BPNT2: variants seen among roughly 807,000 people sequenced by gnomAD.
BPNT2 encodes 3'(2'), 5'-bisphosphate nucleotidase 2.
BPNT2 carries 11 observed loss-of-function variants against 29.3 expected under a neutral mutation model. The observed-to-expected ratio is 0.38, with a 90% CI of 0.24 to 0.62. The LOEUF (loss-of-function observed/expected upper bound fraction) is 0.62. Among genes scored for constraint, BPNT2 ranks in the 20% least tolerant of loss-of-function variants. The pLI is 0.62. For synonymous variants in BPNT2, 195 were observed against 187.7 expected, an observed-to-expected ratio of 1.04 and a Z score of -0.32; for missense variants, 459 against 473.4, an observed-to-expected ratio of 0.97 and a Z score of 0.28.
At chr8:56,969,111 C>A (rs997858178) in intron 3 of BPNT2, among the ~76,000 whole-genome samples, 3 of 152,192 alleles carry the variant, frequency 2.0e-5, no homozygotes, top group African/African-American at 7.2e-5. Flanking sequence ...TCCAAGCCTG[C>A]AGAGAAAGTA....
chr8:56,985,806 C>T (rs1230901788), intron 1 of BPNT2, among the ~76,000 whole-genome samples: 3 of 152,124 alleles, frequency 2.0e-5, no homozygotes, highest in Non-Finnish European at 4.4e-5. Flanking sequence ...GCTATACTTC[C>T]CATGTGCCTT....
Position 56,966,327 on chromosome 8 carries a change from T to G in BPNT2, c.672A>C (p.Ser224=), listed in dbSNP as rs1805951035. Reference sequence around the variant, plus strand: ...TGTAGGAAGAGCGGGCTTTCACATTTGAACCACCATCTACCATTGCCCAAG... The same window carrying G: ...TGTAGGAAGAGCGGGCTTTCACATTGGAACCACCATCTACCATTGCCCAAG... ...YTAWAMVDGG[S]NVKARSSYNE... The change falls in exon 4 of 5, where the codon TCA becomes TCC. Residue 224 remains serine, a synonymous_variant. Transcript: ENST00000262644. The G allele has an allele frequency of 6.2e-7, 1 of 1,613,888 alleles. No homozygotes were observed. Among genetic ancestry groups the G allele is most frequent in the South Asian group, 1.1e-5 (1 of 91,086 alleles).
intron 4 of BPNT2, among the ~76,000 whole-genome samples, chr8:56,965,559 T>C (rs1805930627): frequency 6.6e-6 from 1 of 152,188 alleles, no homozygotes; most frequent in African/African-American, 2.4e-5. Context: ...AAAAAATATG[T>C]TCAAAAGTTC....
intron 4 of BPNT2, 141 bp downstream of exon 4, chr8:56,966,050 A>G: frequency 1.1e-6 from 1 of 887,962 alleles, no homozygotes; most frequent in Admixed American, 2.0e-5. Flanking sequence ...GAGGTTACCA[A>G]ACAGGAGACC....
rs769885388 is a variant in BPNT2 at position 56,978,157 on chromosome 8, A to G, written c.551-12T>C. ...CTTTCGAAGATCCTCTATGAGAAAAAAAACAAAACAACACACACAAATGTC... is the reference window on the plus strand; with the variant it reads ...CTTTCGAAGATCCTCTATGAGAAAAGAAACAAAACAACACACACAAATGTC... On this transcript the variant is annotated splice_polypyrimidine_tract_variant and intron_variant, in intron 2 of 4. Coordinates refer to ENST00000262644, the MANE Select transcript of BPNT2 (RefSeq NM_017813.5). 4 of 1,485,082 alleles carry G rather than the reference A, an allele frequency of 2.7e-6. No individual in the cohort carries two copies. The African/African-American group carries it at 5.5e-5, about 21-fold the overall frequency. 92.0% of individuals were successfully genotyped at this position (1,485,082 alleles called of 1,614,324 possible). A position where few individuals can be genotyped will look rare whatever the true frequency, so the allele number is the denominator to read the frequency against.
intron 1 of BPNT2, among the ~76,000 whole-genome samples, chr8:56,991,016 T>A (rs1312213143): frequency 2.0e-5 from 3 of 152,200 alleles, no homozygotes; most frequent in Non-Finnish European, 4.4e-5. Context: ...AAATTTGGGG[T>A]GAGGCTTCAA....
intron 3 of BPNT2, among the ~76,000 whole-genome samples, chr8:56,976,565 A>G (rs1806143289): frequency 6.6e-6 from 1 of 152,208 alleles, no homozygotes; most frequent in Non-Finnish European, 1.5e-5. Flanking sequence ...AATTATGAAA[A>G]GAAGAAAAAA....
chr8:56,966,466 A>G, intron 3 of BPNT2, 114 bp from the exon 4 acceptor site: 1 of 889,660 alleles, frequency 1.1e-6, no homozygotes, highest in Non-Finnish European at 1.8e-6. Flanking sequence ...CTTCTAAAAA[A>G]TTATTTGTAT....
intron 1 of BPNT2, among the ~76,000 whole-genome samples, chr8:56,981,306 C>T (rs549510319): frequency 4.4e-4 from 67 of 152,372 alleles, no homozygotes; most frequent in Admixed American, 5.9e-4. Context: ...GTGGCTCACG[C>T]CTGTAATCCC....
chr8:56,959,854 C>A lies in BPNT2; in HGVS notation c.*3939G>T, dbSNP rs1805800378. 1 of 152,096 alleles carries A rather than the reference C, an allele frequency of 6.6e-6. No homozygotes were observed. The allele number at this position is 152,096 out of a possible 1,614,324, so 9.4% of individuals were successfully genotyped here. A position where few individuals can be genotyped will look rare whatever the true frequency, so the allele number is the denominator to read the frequency against. ...TTTAATGGCAAAAAGTTCCTATTTTCCCCCATCTACTAAAAAGGTTGTTTT... is the reference window on the plus strand; with the variant it reads ...TTTAATGGCAAAAAGTTCCTATTTTACCCCATCTACTAAAAAGGTTGTTTT... On this transcript the variant is annotated 3_prime_UTR_variant, in exon 5 of 5. Transcript: ENST00000262644.
Position 56,959,993 on chromosome 8 carries a change from C to CAT in BPNT2, c.*3798_*3799dup, listed in dbSNP as rs1805803696. The CAT allele has an allele frequency of 6.6e-6, 1 of 152,114 alleles. No individual in the cohort carries two copies. Among genetic ancestry groups the CAT allele is most frequent in the Non-Finnish European group, 1.5e-5 (1 of 68,018 alleles). The allele number at this position is 152,114 out of a possible 1,614,324, so 9.4% of individuals were successfully genotyped here. A position where few individuals can be genotyped will look rare whatever the true frequency, so the allele number is the denominator to read the frequency against. ...AGTTACAAGACAGACCTTTTGTAGG[C>CAT]ATATAAATACATCTTAAATTCAATC... On this transcript the variant is annotated 3_prime_UTR_variant, in exon 5 of 5. Coordinates refer to ENST00000262644, the MANE Select transcript of BPNT2 (RefSeq NM_017813.5).
rs1805799327 is a variant in BPNT2 at position 56,959,815 on chromosome 8, A to G, written c.*3978T>C. 6.6e-6 allele frequency: 1 copy of G among 152,216 alleles called. No homozygotes were observed. The highest frequency in any genetic ancestry group is 2.1e-4 in the South Asian group (1 of 4,832). The allele number at this position is 152,216 out of a possible 1,614,324, so 9.4% of individuals were successfully genotyped here. A position where few individuals can be genotyped will look rare whatever the true frequency, so the allele number is the denominator to read the frequency against. On this transcript the variant is annotated 3_prime_UTR_variant, in exon 5 of 5. Coordinates refer to ENST00000262644, the MANE Select transcript of BPNT2 (RefSeq NM_017813.5). The stretch of plus-strand genomic sequence containing the variant: ...CCCCAACTATAATATTAAAAACATC[A>G]AAAGAACTTAAGTTTTAATGGCAAA...
chr8:56,980,949 T>G (rs1392765090), intron 1 of BPNT2, among the ~76,000 whole-genome samples: 3 of 151,642 alleles, frequency 2.0e-5, no homozygotes, highest in Non-Finnish European at 4.4e-5. Flanking sequence ...TAATACTTTA[T>G]GTAAGTATTC....
At position 56,958,350 on chromosome 8, in the gene BPNT2, G is replaced by A. The variant is rs926760812; in HGVS notation, c.*5443C>T. On this transcript the variant is annotated 3_prime_UTR_variant, in exon 5 of 5. Coordinates refer to ENST00000262644, the MANE Select transcript of BPNT2 (RefSeq NM_017813.5). ...AAGAGCACATACAGAGATGGTGCTTGCAGGTAAAAACTGCTCTGAAACCAT... is the reference window on the plus strand; with the variant it reads ...AAGAGCACATACAGAGATGGTGCTTACAGGTAAAAACTGCTCTGAAACCAT... The A allele has an allele frequency of 1.3e-5, 2 of 152,144 alleles. No homozygotes were observed. Among genetic ancestry groups the A allele is most frequent in the East Asian group, 3.9e-4 (2 of 5,190 alleles). 9.4% of individuals were successfully genotyped at this position (152,144 alleles called of 1,614,324 possible). A position where few individuals can be genotyped will look rare whatever the true frequency, so the allele number is the denominator to read the frequency against.
chr8:56,986,824 T>A (rs1449092541), intron 1 of BPNT2, among the ~76,000 whole-genome samples: 1 of 152,346 alleles, frequency 6.6e-6, no homozygotes, highest in East Asian at 1.9e-4. Flanking sequence ...ACTACAAGTA[T>A]AGTTTCTTTA....
Position 56,962,865 on chromosome 8 carries a change from C to G in BPNT2, c.*928G>C, listed in dbSNP as rs979380733. 2.0e-5 allele frequency: 3 copies of G among 152,258 alleles called. No homozygotes were observed. In the South Asian group the frequency reaches 6.2e-4, roughly 32 times the overall value. The allele number at this position is 152,258 out of a possible 1,614,324, so 9.4% of individuals were successfully genotyped here. On this transcript the variant is annotated 3_prime_UTR_variant, in exon 5 of 5. Coordinates refer to ENST00000262644, the MANE Select transcript of BPNT2 (RefSeq NM_017813.5). ...GAAGATAATGAAAGGCAGTTCAATT[C>G]ATGTAATGTCAAGTAACTTTCAATT...
At position 56,993,599 on chromosome 8, in the gene BPNT2, G is replaced by C; in HGVS notation, c.-14C>G. 2 of 1,415,522 alleles carry C rather than the reference G, an allele frequency of 1.4e-6. No individual in the cohort carries two copies. The highest frequency in any genetic ancestry group is 1.9e-6 in the Non-Finnish European group (2 of 1,079,614). 87.7% of individuals were successfully genotyped at this position (1,415,522 alleles called of 1,614,324 possible). A position where few individuals can be genotyped will look rare whatever the true frequency, so the allele number is the denominator to read the frequency against. On this transcript the variant is annotated 5_prime_UTR_variant, in exon 1 of 5. Transcript: ENST00000262644. Reference sequence around the variant, plus strand: ...CATGGGGGCCATGGCGTGGGAAGCCGGGCGCTCCGGGCTGCGGCTCTCACA... The same window carrying C: ...CATGGGGGCCATGGCGTGGGAAGCCCGGCGCTCCGGGCTGCGGCTCTCACA...
In BPNT2 at chr8:56,993,643, C is replaced by T; in HGVS notation, c.-58G>A. On this transcript the variant is annotated 5_prime_UTR_variant, in exon 1 of 5. Coordinates refer to ENST00000262644, the MANE Select transcript of BPNT2 (RefSeq NM_017813.5). ...TCTCACAGGCCTCCAGCGCCCGCCGCCGCCGCCGCCGCAGCCGCCGCGCTC... is the reference window on the plus strand; with the variant it reads ...TCTCACAGGCCTCCAGCGCCCGCCGTCGCCGCCGCCGCAGCCGCCGCGCTC... The T allele has an allele frequency of 8.3e-7, 1 of 1,211,920 alleles. No homozygotes were observed. Among genetic ancestry groups the T allele is most frequent in the Non-Finnish European group, 1.0e-6 (1 of 976,214 alleles). 75.1% of individuals were successfully genotyped at this position (1,211,920 alleles called of 1,614,324 possible). A position where few individuals can be genotyped will look rare whatever the true frequency, so the allele number is the denominator to read the frequency against.
At chr8:56,964,212 T>C (rs2129203282) in intron 4 of BPNT2, 148 bp from the exon 5 acceptor site, 2 of 588,678 alleles carry the variant, frequency 3.4e-6, no homozygotes, top group East Asian at 2.8e-5. Flanking sequence ...TTAAAATTAT[T>C]TCAAATTAAA....
Sources: gnomAD v4.1 joint callset for allele counts (sites outside exome capture counted in the v4.1 genomes callset) on GRCh38, gnomAD v4.1.1 for gene constraint, MANE v1.5 for transcripts, NCBI Gene and HGNC (gene_info 2026-07-23, HGNC 2026-07-21) for gene names.